The following CSGALNACT2 variants were observed in gnomAD, a reference collection of about 807,000 sequenced individuals.
The protein encoded by CSGALNACT2 is beta 4 GalNAcT-2.
Under a neutral mutation model 55.3 loss-of-function variants are expected in CSGALNACT2, and 35 were observed. The ratio of observed to expected loss-of-function variants is 0.63; its 90% confidence interval spans 0.48 to 0.84. The LOEUF (loss-of-function observed/expected upper bound fraction) is 0.84, where lower values mean the gene tolerates loss of function less well. Among genes scored for constraint, CSGALNACT2 ranks in the 40% least tolerant of loss-of-function variants. CSGALNACT2 has a pLI of 0.00. For synonymous variants in CSGALNACT2, 196 were observed against 224.9 expected (o/e 0.87, Z 1.15); for missense variants, 544 against 657.5 (o/e 0.83, Z 1.89).
In CSGALNACT2 at chr10:43,155,045, T is replaced by C; in HGVS notation, c.-105T>C. The C allele has an allele frequency of 1.0e-6, 1 of 970,592 alleles. No individual in the cohort carries two copies. 60.1% of individuals were successfully genotyped at this position (970,592 alleles called of 1,614,324 possible). On this transcript the variant is annotated 5_prime_UTR_variant, in exon 2 of 8. Coordinates refer to ENST00000374466, the MANE Select transcript of CSGALNACT2 (RefSeq NM_018590.5). ...GAAAAACTTAAAGCTACGGCAGAAT[T>C]ATTTTATGGAAATTCTGATTTTGTT... is the stretch of plus-strand genomic sequence containing the variant.
At position 43,182,942 on chromosome 10, in the gene CSGALNACT2, A is replaced by G. The variant is rs747518094; in HGVS notation, c.1337-308A>G. ...GGTGGTGAGATTATAGGTGACTTGT[A>G]TTTTCTTCTCCTTTATTTGACTTTT... On this transcript the variant is annotated intron_variant, in intron 7 of 7. Transcript: ENST00000374466. Among the ~76,000 whole-genome samples, 6 of 151,928 alleles carry G rather than the reference A, an allele frequency of 3.9e-5. No individual in the cohort carries two copies. In the South Asian group the frequency reaches 1.0e-3, roughly 26 times the overall value.
At chr10:43,158,524 CT>C (rs1215005033) in intron 2 of CSGALNACT2, among the ~76,000 whole-genome samples, 190 bp from the exon 3 acceptor site, 2 of 151,404 alleles carry the variant, frequency 1.3e-5, no homozygotes, top group East Asian at 1.9e-4. Flanking sequence ...GAACAGTGAA[CT>C]TTTTTTTTAA....
intron 1 of CSGALNACT2, among the ~76,000 whole-genome samples, chr10:43,151,656 G>C (rs1259973522): frequency 6.6e-6 from 1 of 152,116 alleles, no homozygotes; most frequent in East Asian, 1.9e-4. Context: ...AGTTCTCTCT[G>C]TGTGCAGCTG....
intron 1 of CSGALNACT2, among the ~76,000 whole-genome samples, chr10:43,147,879 T>C (rs1292956573): frequency 6.6e-6 from 1 of 151,890 alleles, no homozygotes; most frequent in Non-Finnish European, 1.5e-5. Flanking sequence ...TTCTTGTTGA[T>C]GTCCTTTGCA....
chr10:43,155,496 C>T lies in CSGALNACT2; in HGVS notation c.347C>T (p.Ala116Val). ...GIGYQSNKEQ[A>V]PSDLLEFLHS... ...GGCTATCAGAGCAACAAAGAGCAAG[C>T]ACCTAGTGATCTTTTAGAGTTTCTT... Residue 116 changes from alanine (A) to valine (V), a missense_variant, in exon 2 of 8, where the codon GCA (alanine) becomes GTA (valine). Around this residue, in one of 2 missense-constraint regions of CSGALNACT2, gnomAD observed 374 missense variants for 401.3 expected, o/e 0.93. Transcript: ENST00000374466. 1.2e-6 allele frequency: 2 copies of T among 1,614,192 alleles called. No homozygotes were observed. The highest frequency in any genetic ancestry group is 1.7e-6 in the Non-Finnish European group (2 of 1,180,030).
At chr10:43,147,586 T>G (rs1377997107) in intron 1 of CSGALNACT2, among the ~76,000 whole-genome samples, 1 of 152,174 alleles carries the variant, frequency 6.6e-6, no homozygotes. Flanking sequence ...ATGCTTGCTT[T>G]TGGTTTTTTT....
intron 5 of CSGALNACT2, among the ~76,000 whole-genome samples, chr10:43,164,295 G>A (rs1379012014): frequency 6.6e-6 from 1 of 152,186 alleles, no homozygotes; most frequent in Non-Finnish European, 1.5e-5. Flanking sequence ...TGGAAATGCA[G>A]AGGAACAGGG....
intron 1 of CSGALNACT2, among the ~76,000 whole-genome samples, chr10:43,149,190 C>G (rs1416177665): frequency 1.3e-5 from 2 of 152,144 alleles, no homozygotes; most frequent in Non-Finnish European, 2.9e-5. Flanking sequence ...CCATGTGATT[C>G]TCCTAACTCA....
intron 7 of CSGALNACT2, among the ~76,000 whole-genome samples, chr10:43,181,124 G>T (rs979641827): frequency 6.6e-6 from 1 of 152,182 alleles, no homozygotes; most frequent in Admixed American, 6.5e-5. Flanking sequence ...GAGTATGGGG[G>T]TCCCAATATG....
At chr10:43,161,722 C>T (rs1719444020) in intron 4 of CSGALNACT2, among the ~76,000 whole-genome samples, 1 of 152,194 alleles carries the variant, frequency 6.6e-6, no homozygotes, top group African/African-American at 2.4e-5. Context: ...CCATTTTCAC[C>T]ATCTGGGCAT....
chr10:43,155,333 C>A lies in CSGALNACT2; in HGVS notation c.184C>A (p.Gln62Lys), dbSNP rs778750683. The A allele has an allele frequency of 8.1e-6, 13 of 1,614,108 alleles. No homozygotes were observed. The highest frequency in any genetic ancestry group is 1.3e-5 in the African/African-American group (1 of 74,992). The change falls in exon 2 of 8, where the codon CAG becomes AAG. Residue 62 changes from glutamine to lysine, a missense_variant. Coordinates refer to ENST00000374466, the MANE Select transcript of CSGALNACT2 (RefSeq NM_018590.5). ...YGKEYYQALLQEQEEHYQTRA... is the reference protein window; with the variant it reads ...YGKEYYQALLKEQEEHYQTRA... Reference sequence around the variant, plus strand: ...TAAAGAGTATTATCAAGCCCTCCTACAGGAACAAGAAGAACATTATCAGAC... The same window carrying A: ...TAAAGAGTATTATCAAGCCCTCCTAAAGGAACAAGAAGAACATTATCAGAC...
chr10:43,164,747 T>C (rs941362216), intron 5 of CSGALNACT2, among the ~76,000 whole-genome samples: 2 of 150,440 alleles, frequency 1.3e-5, no homozygotes, highest in African/African-American at 4.9e-5. Flanking sequence ...CTCGGGTGGC[T>C]GAGGCAGAAG....
In CSGALNACT2 at chr10:43,184,045, A is replaced by C. The variant is rs1839645118; in HGVS notation, c.*503A>C. On this transcript the variant is annotated 3_prime_UTR_variant, in exon 8 of 8. Transcript: ENST00000374466. Reference sequence around the variant, plus strand: ...TTTTCCACTGAAATAGAGGATAATTAATTGACACATCTGAAATCCCCAATC... The same window carrying C: ...TTTTCCACTGAAATAGAGGATAATTCATTGACACATCTGAAATCCCCAATC... 1 of 155,064 alleles carries C rather than the reference A, an allele frequency of 6.4e-6. No homozygotes were observed. The highest frequency in any genetic ancestry group is 1.4e-5 in the Non-Finnish European group (1 of 69,838). The allele number at this position is 155,064 out of a possible 1,614,324, so 9.6% of individuals were successfully genotyped here. A position where few individuals can be genotyped will look rare whatever the true frequency, so the allele number is the denominator to read the frequency against.
intron 6 of CSGALNACT2, among the ~76,000 whole-genome samples, chr10:43,172,710 G>T (rs193135913): frequency 2.0e-5 from 3 of 152,338 alleles, no homozygotes; most frequent in East Asian, 1.9e-4. Flanking sequence ...GCTGTTGCTC[G>T]TGAGGATCTT....
chr10:43,160,949 C>G (rs1839134146), intron 4 of CSGALNACT2, among the ~76,000 whole-genome samples: 1 of 152,008 alleles, frequency 6.6e-6, no homozygotes, highest in South Asian at 2.1e-4. Flanking sequence ...CCTCAGGCTC[C>G]TTCTTCTCCC....
chr10:43,166,390 G>A (rs989683886), intron 5 of CSGALNACT2, among the ~76,000 whole-genome samples: 1 of 152,156 alleles, frequency 6.6e-6, no homozygotes, highest in Non-Finnish European at 1.5e-5. Flanking sequence ...CAAGGGTTGC[G>A]TCTCCTGAGG....
At chr10:43,139,625 C>T (rs1838573715) in intron 1 of CSGALNACT2, among the ~76,000 whole-genome samples, 1 of 152,234 alleles carries the variant, frequency 6.6e-6, no homozygotes, top group African/African-American at 2.4e-5. Context: ...AGAACATTTC[C>T]ATCATCCTAT....
chr10:43,176,088 T>C, intron 7 of CSGALNACT2, 56 bp downstream of exon 7: 2 of 1,405,488 alleles, frequency 1.4e-6, no homozygotes, highest in Non-Finnish European at 2.0e-6. Context: ...CTTAATGGTA[T>C]TTTGCTAAAA....
Position 43,182,652 on chromosome 10 carries a change from G to A in CSGALNACT2, c.1337-598G>A, listed in dbSNP as rs545221041. ...TCCAGCACTTTGGGAAGCCAAGTGGGCGGAACACTTGAACCCAAAGTTCGA... is the reference window on the plus strand; with the variant it reads ...TCCAGCACTTTGGGAAGCCAAGTGGACGGAACACTTGAACCCAAAGTTCGA... On this transcript the variant is annotated intron_variant, in intron 7 of 7. Coordinates refer to ENST00000374466, the MANE Select transcript of CSGALNACT2 (RefSeq NM_018590.5). Among the ~76,000 whole-genome samples the A allele has an allele frequency of 1.3e-3, 198 of 151,830 alleles. 1 individual carries two copies. Among genetic ancestry groups the A allele is most frequent in the South Asian group, 6.7e-3 (32 of 4,802 alleles).
Sources: gnomAD v4.1 joint callset for allele counts (sites outside exome capture counted in the v4.1 genomes callset) on GRCh38, gnomAD v4.1.1 for gene constraint, gnomAD v4.1.1 regional missense constraint, MANE v1.5 for transcripts, NCBI Gene and HGNC (gene_info 2026-07-23, HGNC 2026-07-21) for gene names.